ASTN2: variants seen among roughly 807,000 people sequenced by gnomAD.
ASTN2 encodes astrotactin-2.
A neutral mutation model predicts 139.8 loss-of-function variants in ASTN2; 54 were observed. The observed-to-expected ratio is 0.39, with a 90% CI of 0.31 to 0.48. The LOEUF (loss-of-function observed/expected upper bound fraction) is 0.48. Among genes scored for constraint, ASTN2 ranks in the 20% least tolerant of loss-of-function variants. ASTN2 has a pLI of 0.95. For synonymous variants in ASTN2, 756 were observed against 719.5 expected (o/e 1.05, Z -0.81); for missense variants, 1,565 against 1,725.1 (o/e 0.91, Z 1.64).
intron 19 of ASTN2, among the ~76,000 whole-genome samples, chr9:116,601,128 G>A (rs1588060868): frequency 2.0e-5 from 3 of 152,166 alleles, no homozygotes; most frequent in South Asian, 4.1e-4. Context: ...GTCAACAAGA[G>A]GGCCAAATCT....
chr9:117,399,236 T>C (rs1830758429), intron 1 of ASTN2, among the ~76,000 whole-genome samples: 1 of 152,198 alleles, frequency 6.6e-6, no homozygotes, highest in African/African-American at 2.4e-5. Context: ...ATGAAAATAC[T>C]GACTGCACTG....
chr9:117,313,997 CA>C (rs1035158410), intron 1 of ASTN2, among the ~76,000 whole-genome samples: 1 of 152,114 alleles, frequency 6.6e-6, no homozygotes, highest in Non-Finnish European at 1.5e-5. Context: ...TTGTTTTGTG[CA>C]AAACAAAAGC....
Position 116,805,957 on chromosome 9 carries a change from ATCTAGGGCACAGATG to A in ASTN2, c.2208-152_2208-138del, listed in dbSNP as rs1429276284. ...GAGACAGCTATTCTACCTGGAATCT[ATCTAGGGCACAGATG>A]TCTAGAGAGAAGCACATTAATACTG... On this transcript the variant is annotated intron_variant, in intron 12 of 22. Coordinates refer to ENST00000313400, the MANE Select transcript of ASTN2 (RefSeq NM_001365068.1). 9 of 805,296 alleles carry A rather than the reference ATCTAGGGCACAGATG, an allele frequency of 1.1e-5. No homozygotes were observed. In the African/African-American group the frequency reaches 1.6e-4, roughly 14 times the overall value. The allele number at this position is 805,296 out of a possible 1,614,324, so 49.9% of individuals were successfully genotyped here.
chr9:116,797,869 T>G (rs1830742502), intron 13 of ASTN2, among the ~76,000 whole-genome samples: 1 of 152,200 alleles, frequency 6.6e-6, no homozygotes, highest in South Asian at 2.1e-4. Flanking sequence ...CAGAATATAG[T>G]GCAGACAAAC....
chr9:116,596,610 T>C (rs1030651160), intron 19 of ASTN2, among the ~76,000 whole-genome samples: 3 of 152,216 alleles, frequency 2.0e-5, no homozygotes, highest in Non-Finnish European at 2.9e-5. Context: ...ATATCAATTA[T>C]ACCTCAATAA....
At chr9:116,727,929 G>A (rs562610743) in intron 15 of ASTN2, among the ~76,000 whole-genome samples, 39 of 152,274 alleles carry the variant, frequency 2.6e-4, no homozygotes, top group African/African-American at 9.1e-4. Context: ...CTTCCCAGAG[G>A]GTGAAATCCT....
rs565731821 is a variant in ASTN2 at position 117,110,306 on chromosome 9, C to T, written c.1169-14155G>A. Among the ~76,000 whole-genome samples, 207 of 152,186 alleles carry T rather than the reference C, an allele frequency of 1.4e-3. 1 individual carries two copies. The highest frequency in any genetic ancestry group is 4.9e-3 in the African/African-American group (204 of 41,528). Reference sequence around the variant, plus strand: ...ATTTTGACCTGCTTCTGGGAATTCACCATAAGGGACCCATCCTAGACACAG... The same window carrying T: ...ATTTTGACCTGCTTCTGGGAATTCATCATAAGGGACCCATCCTAGACACAG... On this transcript the variant is annotated intron_variant, in intron 4 of 22. Transcript: ENST00000313400.
intron 20 of ASTN2, among the ~76,000 whole-genome samples, chr9:116,468,609 C>T (rs1451693091): frequency 6.6e-6 from 1 of 152,156 alleles, no homozygotes; most frequent in African/African-American, 2.4e-5. Context: ...AACAGCTTCC[C>T]AAATTACTTC....
At chr9:116,891,256 G>A (rs1833755339) in intron 10 of ASTN2, among the ~76,000 whole-genome samples, 1 of 152,162 alleles carries the variant, frequency 6.6e-6, no homozygotes, top group Non-Finnish European at 1.5e-5. Context: ...GGGCATATGT[G>A]GTGGAGCTTT....
At chr9:116,633,542 G>A (rs952440284) in intron 17 of ASTN2, among the ~76,000 whole-genome samples, 2 of 152,244 alleles carry the variant, frequency 1.3e-5, no homozygotes, top group African/African-American at 4.8e-5. Context: ...AACATCTGGA[G>A]ATGAGAGGCG....
intron 7 of ASTN2, among the ~76,000 whole-genome samples, chr9:116,986,653 C>T (rs1357060862): frequency 6.6e-6 from 1 of 152,146 alleles, no homozygotes; most frequent in Non-Finnish European, 1.5e-5. Context: ...TCCAACAAAC[C>T]AAGGTGGGCT....
intron 1 of ASTN2, among the ~76,000 whole-genome samples, chr9:117,309,126 T>A (rs891979379): frequency 1.3e-5 from 2 of 152,266 alleles, no homozygotes; most frequent in South Asian, 2.1e-4. Context: ...TGTGTATATG[T>A]ACACACGTTT....
At chr9:116,692,716 C>G (rs1309630385) in intron 16 of ASTN2, among the ~76,000 whole-genome samples, 1 of 152,118 alleles carries the variant, frequency 6.6e-6, no homozygotes, top group Non-Finnish European at 1.5e-5. Flanking sequence ...GATTTGTGGT[C>G]TTAATTTCCC....
intron 1 of ASTN2, among the ~76,000 whole-genome samples, chr9:117,294,787 C>T (rs962860333): frequency 1.3e-5 from 2 of 152,188 alleles, no homozygotes; most frequent in Non-Finnish European, 2.9e-5. Context: ...GGACTTACAA[C>T]TGTTTCTCAA....
chr9:116,452,413 T>G (rs533583256), intron 20 of ASTN2, among the ~76,000 whole-genome samples: 1 of 152,316 alleles, frequency 6.6e-6, no homozygotes, highest in South Asian at 2.1e-4. Flanking sequence ...GTGGGATTGT[T>G]TGCCCTCTCT....
intron 12 of ASTN2, among the ~76,000 whole-genome samples, chr9:116,810,089 T>C (rs1000798394): frequency 6.6e-6 from 1 of 152,194 alleles, no homozygotes; most frequent in East Asian, 1.9e-4. Flanking sequence ...AAACTAGCTT[T>C]TGTGCACAAG....
intron 10 of ASTN2, among the ~76,000 whole-genome samples, chr9:116,932,301 T>A (rs555606990): frequency 6.6e-6 from 1 of 152,242 alleles, no homozygotes; most frequent in Admixed American, 6.5e-5. Context: ...CAGCCAGGTA[T>A]CTGATGCAAT....
chr9:117,096,165 C>G lies in ASTN2; in HGVS notation c.1169-14G>C. On this transcript the variant is annotated splice_polypyrimidine_tract_variant and intron_variant, in intron 4 of 22. Transcript: ENST00000313400. ...AGCTGATTCCTCCTGTGAGTAAGCACAGTCTATCAGTTAGTCTCCCAGGCC... is the reference window on the plus strand; with the variant it reads ...AGCTGATTCCTCCTGTGAGTAAGCAGAGTCTATCAGTTAGTCTCCCAGGCC... 2.5e-6 allele frequency: 4 copies of G among 1,606,226 alleles called. No individual in the cohort carries two copies. The highest frequency in any genetic ancestry group is 3.4e-6 in the Non-Finnish European group (4 of 1,173,016).
At chr9:116,721,382 T>C (rs1470732843) in intron 16 of ASTN2, among the ~76,000 whole-genome samples, 2 of 152,174 alleles carry the variant, frequency 1.3e-5, no homozygotes, top group Admixed American at 6.5e-5. Flanking sequence ...ATAAAGCTCA[T>C]GTATCATGAT....
Sources: gnomAD v4.1 joint callset for allele counts (sites outside exome capture counted in the v4.1 genomes callset) on GRCh38, gnomAD v4.1.1 for gene constraint, MANE v1.5 for transcripts, NCBI Gene and HGNC (gene_info 2026-07-23, HGNC 2026-07-21) for gene names.